LIPH: variants seen among roughly 807,000 people sequenced by gnomAD.
LIPH encodes lipase H.
A neutral mutation model predicts 47.6 loss-of-function variants in LIPH; 32 were observed. That is an observed-to-expected ratio of 0.67 (90% CI 0.51 to 0.90). The LOEUF (loss-of-function observed/expected upper bound fraction) is 0.90. Ranked by LOEUF, LIPH falls within the 40% of genes least tolerant of loss-of-function variation. The probability of loss-of-function intolerance (pLI) is 0.00; values close to 1 mark genes in which losing one functional copy is unlikely to be tolerated. For synonymous variants in LIPH, 190 were observed against 195.6 expected (o/e 0.97, Z 0.24); for missense variants, 497 against 541.4 (o/e 0.92, Z 0.81).
At chr3:185,536,668 C>T (rs1720511801) in intron 1 of LIPH, among the ~76,000 whole-genome samples, 1 of 151,604 alleles carries the variant, frequency 6.6e-6, no homozygotes, top group African/African-American at 2.4e-5. Context: ...ACCAACCCCC[C>T]CAAATAAATA....
At chr3:185,544,149 C>A (rs574742961) in intron 1 of LIPH, among the ~76,000 whole-genome samples, 1 of 152,106 alleles carries the variant, frequency 6.6e-6, no homozygotes, top group African/African-American at 2.4e-5. Context: ...GCATGCCTGG[C>A]GCTCTTGCTG....
rs554795319 is a variant in LIPH, at chr3:185,520,431, C to G, written c.719-1122G>C. Among the ~76,000 whole-genome samples the G allele has an allele frequency of 7.2e-4, 110 of 151,812 alleles. 2 individuals carry two copies. The East Asian group carries it at 0.018, about 25-fold the overall frequency. ...ACTTGGGAGGCTGAGGCAGGAGAAT[C>G]GCTTGAACCTGGAAGGCGGAGGTTG... On this transcript the variant is annotated intron_variant, in intron 5 of 9. Transcript: ENST00000296252.
chr3:185,537,283 A>G (rs759966088), intron 1 of LIPH, among the ~76,000 whole-genome samples: 1 of 152,166 alleles, frequency 6.6e-6, no homozygotes, highest in Non-Finnish European at 1.5e-5. Context: ...ATAAATAATC[A>G]GTGAGACTCT....
At chr3:185,512,266 T>C (rs1473871204) in intron 8 of LIPH, among the ~76,000 whole-genome samples, 1 of 152,026 alleles carries the variant, frequency 6.6e-6, no homozygotes, top group African/African-American at 2.4e-5. Flanking sequence ...TAGCATGTAT[T>C]TTTTTTAGTT....
intron 1 of LIPH, among the ~76,000 whole-genome samples, chr3:185,537,710 C>T (rs1173875692): frequency 6.6e-6 from 1 of 152,130 alleles, no homozygotes; most frequent in Non-Finnish European, 1.5e-5. Context: ...TGCCGCCTAT[C>T]TGCCCAAGAG....
Position 185,533,674 on chromosome 3 carries a change from T to C in LIPH, c.423A>G (p.Glu141=). 1.9e-6 allele frequency: 3 copies of C among 1,607,800 alleles called. No homozygotes were observed. Among genetic ancestry groups the C allele is most frequent in the Admixed American group, 1.7e-5 (1 of 60,018 alleles). Residue 141 remains glutamate, a synonymous_variant, in exon 3 of 10, where the codon GAA becomes GAG. Coordinates refer to ENST00000296252, the MANE Select transcript of LIPH (RefSeq NM_139248.3). ...TGTAAATGTCATCAAGAGAAGCTCCTTCTGCCTGGAATTTCAAGAGGTCCA... is the reference window on the plus strand; with the variant it reads ...TGTAAATGTCATCAAGAGAAGCTCCCTCTGCCTGGAATTTCAAGAGGTCCA... The part of the protein sequence containing the change: ...LKEFIDQMLA[E]GASLDDIYMI...
intron 2 of LIPH, among the ~76,000 whole-genome samples, chr3:185,534,448 G>A (rs1283001254): frequency 2.0e-5 from 3 of 151,968 alleles, no homozygotes; most frequent in Non-Finnish European, 4.4e-5. Context: ...TTTATTGTGA[G>A]CTAGAAAAAA....
chr3:185,531,571 A>G (rs867503920), intron 3 of LIPH, among the ~76,000 whole-genome samples: 35 of 151,304 alleles, frequency 2.3e-4, no homozygotes, highest in South Asian at 8.4e-4. Context: ...AAAAAAAAAA[A>G]AAGAAGAAGA....
At position 185,517,167 on chromosome 3, in the gene LIPH, G is replaced by A. The variant is rs773145090; in HGVS notation, c.887-5C>T. 6.6e-7 allele frequency: 1 copy of A among 1,509,680 alleles called. No homozygotes were observed. The highest frequency in any genetic ancestry group is 1.7e-5 in the Admixed American group (1 of 59,860). The allele number at this position is 1,509,680 out of a possible 1,614,324, so 93.5% of individuals were successfully genotyped here. A position where few individuals can be genotyped will look rare whatever the true frequency, so the allele number is the denominator to read the frequency against. Reference sequence around the variant, plus strand: ...TCCAATTATCAGCATAATAGCCTATGAAACAAGTTTAAAAAATTGTAAGAT... The same window carrying A: ...TCCAATTATCAGCATAATAGCCTATAAAACAAGTTTAAAAAATTGTAAGAT... On this transcript the variant is annotated splice_polypyrimidine_tract_variant and splice_region_variant and intron_variant, in intron 6 of 9. Transcript: ENST00000296252.
intron 1 of LIPH, among the ~76,000 whole-genome samples, chr3:185,542,747 G>A (rs1720751863): frequency 6.6e-6 from 1 of 152,120 alleles, no homozygotes; most frequent in South Asian, 2.1e-4. Context: ...ATTGGAAAAA[G>A]AAAATATGAT....
In LIPH at chr3:185,508,467, C is replaced by T. The variant is rs563914613; in HGVS notation, c.*323G>A. 95 of 346,698 alleles carry T rather than the reference C, an allele frequency of 2.7e-4. No homozygotes were observed. The East Asian group carries it at 5.9e-3, about 21-fold the overall frequency. 21.5% of individuals were successfully genotyped at this position (346,698 alleles called of 1,614,324 possible). On this transcript the variant is annotated 3_prime_UTR_variant, in exon 10 of 10. Transcript: ENST00000296252. ...CCCTTGAAGATGCTTGACCCGCAGC[C>T]GCGATGGGCAGAACCACCCGCGTGA...
intron 1 of LIPH, among the ~76,000 whole-genome samples, chr3:185,550,392 CTT>C: frequency 6.6e-6 from 1 of 152,150 alleles, no homozygotes; most frequent in East Asian, 1.9e-4. Flanking sequence ...TAAAACAAGA[CTT>C]TACTTCTGAG....
chr3:185,509,589 TA>T (rs1245920348), intron 9 of LIPH, among the ~76,000 whole-genome samples: 108 of 152,106 alleles, frequency 7.1e-4, no homozygotes, highest in African/African-American at 2.5e-3. Flanking sequence ...AAGAACGCGC[TA>T]CTACTGTACT....
chr3:185,551,188 A>C (rs1358051479), intron 1 of LIPH, among the ~76,000 whole-genome samples: 1 of 152,196 alleles, frequency 6.6e-6, no homozygotes, highest in African/African-American at 2.4e-5. Flanking sequence ...ACAAACAAAA[A>C]AAATAATAAA....
Position 185,508,985 on chromosome 3 carries a change from A to C in LIPH, c.1269-108T>G, listed in dbSNP as rs907375202. 3.8e-6 allele frequency: 3 copies of C among 791,126 alleles called. 1 individual carries two copies. Among genetic ancestry groups the C allele is most frequent in the South Asian group, 1.5e-5 (1 of 67,994 alleles). 49.0% of individuals were successfully genotyped at this position (791,126 alleles called of 1,614,324 possible). ...ACAAAATTATTTAGCAATTGTTTTT[A>C]ATATAGAAAACACTTACGGTGGCCA... is the stretch of plus-strand genomic sequence containing the variant. On this transcript the variant is annotated intron_variant, in intron 9 of 9. Transcript: ENST00000296252.
Position 185,527,368 on chromosome 3 carries a change from G to GA in LIPH, c.628+115dup, listed in dbSNP as rs1251223524. 136 of 830,914 alleles carry GA rather than the reference G, an allele frequency of 1.6e-4. 3 individuals carry two copies. In the South Asian group the frequency reaches 1.8e-3, roughly 11 times the overall value. The allele number at this position is 830,914 out of a possible 1,614,324, so 51.5% of individuals were successfully genotyped here. On this transcript the variant is annotated intron_variant, in intron 4 of 9. Coordinates refer to ENST00000296252, the MANE Select transcript of LIPH (RefSeq NM_139248.3). The stretch of plus-strand genomic sequence containing the variant: ...TTCGGTGGATTTGGAACCCTGCCTG[G>GA]AAAAAAAAGTTAGAATCTAGAGGAA...
intron 3 of LIPH, among the ~76,000 whole-genome samples, chr3:185,529,995 T>G (rs1427654262): frequency 7.0e-6 from 1 of 143,148 alleles, no homozygotes; most frequent in Non-Finnish European, 1.6e-5. Context: ...AGAGAGAAAA[T>G]AAGCAGTGCC....
At chr3:185,527,910 A>G (rs1720162303) in intron 3 of LIPH, among the ~76,000 whole-genome samples, 1 of 151,078 alleles carries the variant, frequency 6.6e-6, no homozygotes, top group Non-Finnish European at 1.5e-5. Context: ...CCAGGAAAAA[A>G]GCACCAAAGG....
At chr3:185,521,279 G>C (rs1436449969) in intron 5 of LIPH, among the ~76,000 whole-genome samples, 2 of 152,190 alleles carry the variant, frequency 1.3e-5, no homozygotes. Flanking sequence ...GTTCTGAACT[G>C]TTATACTATA....
Sources: allele counts gnomAD v4.1 joint callset (sites outside exome capture counted in the v4.1 genomes callset), GRCh38; gene constraint gnomAD v4.1.1; transcripts MANE v1.5; gene names NCBI Gene and HGNC (gene_info 2026-07-23, HGNC 2026-07-21).